Variants in MED13 observed in about 807,000 individuals in gnomAD.
MED13 encodes the protein mediator complex subunit 13.
A neutral mutation model predicts 225.2 loss-of-function variants in MED13; 23 were observed. The ratio of observed to expected loss-of-function variants is 0.10; its 90% CI spans 0.07 to 0.14. The LOEUF is 0.14. Among genes scored for constraint, MED13 ranks in the 10% least tolerant of loss-of-function variants. The probability of loss-of-function intolerance (pLI) is 1.00; values close to 1 mark genes in which losing one functional copy is unlikely to be tolerated. For synonymous variants in MED13, 942 were observed against 889.2 expected, an observed-to-expected ratio of 1.06 and a Z score of -1.06; for missense variants, 2,197 against 2,594.5, an observed-to-expected ratio of 0.85 and a Z score of 3.33.
intron 17 of MED13, among the ~76,000 whole-genome samples, chr17:61,968,474 T>C (rs1019850419): frequency 1.3e-5 from 2 of 152,152 alleles, no homozygotes; most frequent in African/African-American, 4.8e-5. Context: ...TGCAAGTGCC[T>C]GCCACCACGC....
chr17:61,995,326 A>G lies in MED13; in HGVS notation c.2007T>C (p.Asp669=). 2 of 1,613,022 alleles carry G rather than the reference A, an allele frequency of 1.2e-6. No homozygotes were observed. The highest frequency in any genetic ancestry group is 1.7e-4 in the Middle Eastern group (1 of 6,056). The part of the protein sequence containing the change: ...VQCKKPLKVS[D]ELVQQYQIKN... ...TAATTTGATATTGCTGCACTAATTC[A>G]TCAGAAACTTTTAAAGGTTTCTTAC... The change falls in exon 10 of 30, where the codon GAT becomes GAC. Residue 669 remains aspartate, a synonymous_variant. Transcript: ENST00000397786.
chr17:61,995,517 A>G, intron 9 of MED13, 152 bp from the exon 10 acceptor site: 1 of 585,580 alleles, frequency 1.7e-6, no homozygotes, highest in South Asian at 3.1e-5. Context: ...AAAATATTAA[A>G]TAATTTATTG....
chr17:61,959,816 C>A (rs1396725247), intron 23 of MED13, among the ~76,000 whole-genome samples: 2 of 149,574 alleles, frequency 1.3e-5, no homozygotes, highest in Non-Finnish European at 3.0e-5. Flanking sequence ...GCAGCCTCGA[C>A]TTCCTGGGCT....
intron 2 of MED13, among the ~76,000 whole-genome samples, chr17:62,062,604 A>ACACAC (rs2081049145): frequency 1.8e-5 from 1 of 56,946 alleles, no homozygotes; most frequent in East Asian, 4.4e-4. Flanking sequence ...CACACACCAC[A>ACACAC]CACACACACA....
chr17:62,034,802 G>A (rs1265792963), intron 4 of MED13, among the ~76,000 whole-genome samples: 1 of 151,980 alleles, frequency 6.6e-6, no homozygotes, highest in African/African-American at 2.4e-5. Context: ...AGTATCAAAA[G>A]TCCCTTTGTA....
At chr17:61,956,285 T>C in intron 24 of MED13, 54 bp downstream of exon 24, 2 of 1,537,078 alleles carry the variant, frequency 1.3e-6, no homozygotes, top group Admixed American at 3.7e-5. Context: ...GTCAGAACTG[T>C]GTGTGAATTT....
At chr17:62,008,317 C>CAAAAAAAAAAAAAAAAAA (rs766909961) in intron 9 of MED13, among the ~76,000 whole-genome samples, 5 of 33,208 alleles carry the variant, frequency 1.5e-4, no homozygotes, top group East Asian at 1.1e-3. Flanking sequence ...GGCTCTGTCT[C>CAAAAAAAAAAAAAAAAAA]AAAAAAAAAA....
chr17:61,948,793 T>C (rs1306255751), intron 28 of MED13, among the ~76,000 whole-genome samples: 1 of 151,282 alleles, frequency 6.6e-6, no homozygotes, highest in Admixed American at 6.6e-5. Context: ...TACATAAGAA[T>C]AAGTGAGTCA....
chr17:62,044,599 A>C (rs1276470369), intron 3 of MED13, among the ~76,000 whole-genome samples: 1 of 152,204 alleles, frequency 6.6e-6, no homozygotes, highest in Non-Finnish European at 1.5e-5. Flanking sequence ...CTATATGTAC[A>C]TGTCTATATG....
chr17:61,973,846 GGT>G (rs1308248782), intron 16 of MED13, among the ~76,000 whole-genome samples: 1 of 152,052 alleles, frequency 6.6e-6, no homozygotes, highest in African/African-American at 2.4e-5. Context: ...AGCCAGGCAT[GGT>G]GGCACATGCC....
rs745754183 is a variant in MED13 at position 61,962,739 on chromosome 17, C to G, written c.5064+13G>C. On this transcript the variant is annotated intron_variant, in intron 21 of 29. Transcript: ENST00000397786. ...TTTACATAATTTTAACTCACAACAT[C>G]TATCACTCTTACCTGTACAGAAACA... The G allele has an allele frequency of 3.1e-6, 5 of 1,606,350 alleles. No homozygotes were observed. The South Asian group carries it at 4.4e-5, about 14-fold the overall frequency.
intron 20 of MED13, among the ~76,000 whole-genome samples, chr17:61,964,705 GT>G (rs1462656398): frequency 1.3e-5 from 2 of 152,172 alleles, no homozygotes; most frequent in East Asian, 3.8e-4. Flanking sequence ...GGAAGCCATG[GT>G]GGGTGGATCA....
chr17:61,992,047 C>G (rs559544003), intron 11 of MED13, among the ~76,000 whole-genome samples: 59 of 152,324 alleles, frequency 3.9e-4, no homozygotes, highest in Non-Finnish European at 7.9e-4. Context: ...GTAGTGTCTT[C>G]AGAGAGCAAA....
At chr17:61,973,195 T>G (rs965688972) in intron 16 of MED13, among the ~76,000 whole-genome samples, 3 of 152,220 alleles carry the variant, frequency 2.0e-5, no homozygotes, top group Admixed American at 6.5e-5. Flanking sequence ...TTTGCATTTA[T>G]GTTGGCTGTT....
chr17:61,976,808 T>A (rs974141515), intron 16 of MED13, among the ~76,000 whole-genome samples: 1 of 152,134 alleles, frequency 6.6e-6, no homozygotes, highest in Non-Finnish European at 1.5e-5. Flanking sequence ...GGCGGGCACC[T>A]GTAGTCCCAG....
chr17:62,044,832 T>C (rs1036943515), intron 3 of MED13, among the ~76,000 whole-genome samples: 1 of 152,222 alleles, frequency 6.6e-6, no homozygotes, highest in Non-Finnish European at 1.5e-5. Flanking sequence ...TGGCTCATTT[T>C]TGTACTTTTA....
rs1456658737 is a variant in MED13, at chr17:62,020,759, G to A, written c.1283+8782C>T. 6.0e-5 allele frequency among the ~76,000 whole-genome samples: 9 copies of A among 150,574 alleles called. 1 individual carries two copies. In the South Asian group the frequency reaches 1.7e-3, roughly 28 times the overall value. ...AGAGGGGTATTTGGCAGGGTCATAGGACAATAGTGGAGGGAAGGTCAGCAG... is the reference window on the plus strand; with the variant it reads ...AGAGGGGTATTTGGCAGGGTCATAGAACAATAGTGGAGGGAAGGTCAGCAG... On this transcript the variant is annotated intron_variant, in intron 8 of 29. Transcript: ENST00000397786.
chr17:62,015,949 TATATA>T (rs1460489889), intron 8 of MED13, among the ~76,000 whole-genome samples: 10 of 13,770 alleles, frequency 7.3e-4, no homozygotes, highest in Non-Finnish European at 9.1e-4. Context: ...TATATATATA[TATATA>T]TTTTTTTTTT....
At chr17:62,062,625 C>T (rs995624939) in intron 2 of MED13, among the ~76,000 whole-genome samples, 7 of 146,750 alleles carry the variant, frequency 4.8e-5, no homozygotes, top group African/African-American at 1.8e-4. Context: ...CACACACACA[C>T]ACGGATAGTT....
Sources: allele counts gnomAD v4.1 joint callset (sites outside exome capture counted in the v4.1 genomes callset), GRCh38; gene constraint gnomAD v4.1.1; transcripts MANE v1.5; gene names NCBI Gene and HGNC (gene_info 2026-07-23, HGNC 2026-07-21).